The following NRXN1 variants were observed in gnomAD, a reference collection of about 807,000 sequenced individuals.
NRXN1 encodes the protein neurexin-1.
In NRXN1, 39 loss-of-function variants were observed where a neutral mutation model predicts 150.9. That is an observed-to-expected ratio of 0.26 (90% CI 0.20 to 0.34). NRXN1 has a LOEUF of 0.34. NRXN1 is among the 10% of genes least tolerant of loss of function. The pLI is 1.00. For synonymous variants in NRXN1, 924 were observed against 757.0 expected, an observed-to-expected ratio of 1.22 and a Z score of -3.62; for missense variants, 1,815 against 1,949.9, an observed-to-expected ratio of 0.93 and a Z score of 1.30.
chr2:50,672,069 A>G (rs774649318), intron 5 of NRXN1, among the ~76,000 whole-genome samples: 1 of 151,922 alleles, frequency 6.6e-6, no homozygotes, highest in Non-Finnish European at 1.5e-5. Flanking sequence ...ATTTATGGTG[A>G]CCCATAATAT....
intron 5 of NRXN1, among the ~76,000 whole-genome samples, chr2:50,771,890 C>A (rs1315545612): frequency 6.6e-6 from 1 of 152,022 alleles, no homozygotes. Context: ...TAAAACTTAT[C>A]AGGGGTGAGA....
chr2:50,639,044 T>C (rs1683656789), intron 5 of NRXN1, among the ~76,000 whole-genome samples: 3 of 152,076 alleles, frequency 2.0e-5, no homozygotes, highest in African/African-American at 7.2e-5. Context: ...ACAAACGTTA[T>C]TCAACCTTTC....
At position 50,522,719 on chromosome 2, in the gene NRXN1, C is replaced by CCTTTTTTTTTTTTTTTTTTTTTTTT. The variant is rs1323306682; in HGVS notation, c.2374+5905_2374+5906insAAAAAAAAAAAAAAAAAAAAAAAAG. Among the ~76,000 whole-genome samples, 20 of 86,596 alleles carry CCTTTTTTTTTTTTTTTTTTTTTTTT rather than the reference C, an allele frequency of 2.3e-4. 9 individuals are homozygous for CCTTTTTTTTTTTTTTTTTTTTTTTT. Among genetic ancestry groups the CCTTTTTTTTTTTTTTTTTTTTTTTT allele is most frequent in the African/African-American group, 7.2e-4 (12 of 16,768 alleles). 56.8% of individuals were successfully genotyped at this position (86,596 alleles called of 152,430 possible). On this transcript the variant is annotated intron_variant, in intron 12 of 22. Coordinates refer to ENST00000401669, the MANE Select transcript of NRXN1 (RefSeq NM_001330078.2). ...TTCCATTTATTCATTTATTTTTATT[C>CCTTTTTTTTTTTTTTTTTTTTTTTT]ATTTTTTTTTTTTTTTTTTTTTTTT... is the stretch of plus-strand genomic sequence containing the variant.
chr2:49,969,017 T>C (rs17039592), intron 21 of NRXN1, among the ~76,000 whole-genome samples: 1 of 151,972 alleles, frequency 6.6e-6, no homozygotes, highest in Non-Finnish European at 1.5e-5. Flanking sequence ...GGGTGCTTAG[T>C]AATTACTTAT....
chr2:50,936,813 T>G (rs553963315), intron 2 of NRXN1, among the ~76,000 whole-genome samples: 1 of 152,238 alleles, frequency 6.6e-6, no homozygotes, highest in East Asian at 1.9e-4. Context: ...CTATGAGAAT[T>G]AAATCAATCA....
At chr2:50,077,236 T>C (rs1031810967) in intron 19 of NRXN1, among the ~76,000 whole-genome samples, 4 of 152,160 alleles carry the variant, frequency 2.6e-5, no homozygotes, top group African/African-American at 9.7e-5. Flanking sequence ...CTCTTACAAA[T>C]AGGCAGGAAT....
chr2:50,906,542 GTTTTC>G (rs1434386908), intron 5 of NRXN1, among the ~76,000 whole-genome samples: 3 of 152,054 alleles, frequency 2.0e-5, no homozygotes, highest in African/African-American at 7.2e-5. Context: ...TTGCTATGCT[GTTTTC>G]TTATCTTTGG....
chr2:50,335,893 T>A (rs1310159961), intron 17 of NRXN1, among the ~76,000 whole-genome samples: 12 of 143,570 alleles, frequency 8.4e-5, no homozygotes, highest in African/African-American at 3.5e-4. Context: ...CCTTTCTGTT[T>A]TTTTTTTTTT....
chr2:50,110,017 T>C (rs72878118), intron 18 of NRXN1, among the ~76,000 whole-genome samples: 11,357 of 152,186 alleles, frequency 0.075, 1,419 homozygotes, highest in African/African-American at 0.26. Context: ...CACAAGTCTA[T>C]GTTTACTATG....
intron 21 of NRXN1, among the ~76,000 whole-genome samples, chr2:50,032,601 A>T (rs1253613822): frequency 1.3e-5 from 2 of 152,028 alleles, no homozygotes; most frequent in African/African-American, 4.8e-5. Flanking sequence ...TTCCCGGAAA[A>T]TTCATAGGTT....
chr2:50,465,666 G>A, intron 16 of NRXN1, 105 bp from the exon 17 acceptor site: 2 of 1,212,854 alleles, frequency 1.6e-6, no homozygotes, highest in Admixed American at 2.8e-5. Flanking sequence ...CAGATGATAT[G>A]TCCAAACTAG....
At chr2:50,596,132 C>G (rs553932676) in intron 8 of NRXN1, among the ~76,000 whole-genome samples, 9 of 152,310 alleles carry the variant, frequency 5.9e-5, no homozygotes, top group Admixed American at 3.9e-4. Flanking sequence ...GTCCTTCTCT[C>G]TCTTTTTGCT....
Position 49,921,829 on chromosome 2 carries a change from C to T in NRXN1, c.*115G>A, listed in dbSNP as rs1668254775. 4.0e-6 allele frequency: 4 copies of T among 1,009,148 alleles called. No homozygotes were observed. The highest frequency in any genetic ancestry group is 5.8e-6 in the Non-Finnish European group (4 of 685,778). The allele number at this position is 1,009,148 out of a possible 1,614,324, so 62.5% of individuals were successfully genotyped here. A position where few individuals can be genotyped will look rare whatever the true frequency, so the allele number is the denominator to read the frequency against. ...TTAAAAAGTCTTTCCTTCCTGATTG[C>T]ATTCCCTGTCTTCTTTTGTATGTGC... On this transcript the variant is annotated 3_prime_UTR_variant, in exon 23 of 23. Transcript: ENST00000401669.
chr2:50,100,327 A>C (rs924940150), intron 18 of NRXN1, among the ~76,000 whole-genome samples: 1 of 152,024 alleles, frequency 6.6e-6, no homozygotes, highest in Non-Finnish European at 1.5e-5. Flanking sequence ...AGTGAGAAAA[A>C]GGATGGACAG....
intron 21 of NRXN1, among the ~76,000 whole-genome samples, chr2:50,005,381 G>A (rs910095714): frequency 2.0e-5 from 3 of 152,110 alleles, no homozygotes; most frequent in South Asian, 2.1e-4. Context: ...TTGAGAGGAA[G>A]ACAACTTGCT....
chr2:50,597,425 C>T (rs1359912133), intron 8 of NRXN1, among the ~76,000 whole-genome samples: 1 of 152,198 alleles, frequency 6.6e-6, no homozygotes, highest in Non-Finnish European at 1.5e-5. Context: ...TGTTAACTGT[C>T]ATTCAGCTAG....
At chr2:50,597,905 G>C (rs370847728) in intron 8 of NRXN1, among the ~76,000 whole-genome samples, 1 of 152,142 alleles carries the variant, frequency 6.6e-6, no homozygotes, top group Admixed American at 6.5e-5. Flanking sequence ...TTGGGAAGCT[G>C]AGGCAGGCCA....
chr2:50,064,202 ATG>A (rs1426821264), intron 19 of NRXN1, among the ~76,000 whole-genome samples: 5 of 151,744 alleles, frequency 3.3e-5, no homozygotes, highest in Non-Finnish European at 7.4e-5. Context: ...GAGATAAAAT[ATG>A]TGTCTCTATA....
At chr2:50,511,952 G>A (rs536330474) in intron 12 of NRXN1, among the ~76,000 whole-genome samples, 1 of 152,082 alleles carries the variant, frequency 6.6e-6, no homozygotes, top group Admixed American at 6.5e-5. Context: ...AGTTATGGGA[G>A]GTAATGGTAA....
Sources: allele counts gnomAD v4.1 joint callset (sites outside exome capture counted in the v4.1 genomes callset), GRCh38; gene constraint gnomAD v4.1.1; transcripts MANE v1.5; gene names NCBI Gene and HGNC (gene_info 2026-07-23, HGNC 2026-07-21).